TMPRSS9: variants seen among roughly 807,000 people sequenced by gnomAD.
TMPRSS9 encodes the protein transmembrane protease serine 9.
TMPRSS9 carries 113 observed loss-of-function variants against 111.4 expected under a neutral mutation model. The observed-to-expected ratio is 1.01, with a 90% confidence interval of 0.87 to 1.19. The LOEUF is 1.19. Ranked by LOEUF, TMPRSS9 falls within the 50% of genes most tolerant of loss-of-function variation. The pLI is 0.00. For synonymous variants in TMPRSS9, 805 were observed against 659.1 expected (o/e 1.22, Z -3.39); for missense variants, 1,803 against 1,513.1 (o/e 1.19, Z -3.18).
At chr19:2,367,856 C>T (rs1205640996) in intron 1 of TMPRSS9, among the ~76,000 whole-genome samples, 3 of 152,050 alleles carry the variant, frequency 2.0e-5, no homozygotes, top group Non-Finnish European at 4.4e-5. Flanking sequence ...TGAGCCACTG[C>T]ACCCAGCCCA....
exon 8 of TMPRSS9, chr19:2,408,391 G>A (rs764766599): frequency 2.5e-6 from 4 of 1,613,822 alleles, no homozygotes; most frequent in Admixed American, 3.3e-5. Flanking sequence ...GCCTACGTGG[G>A]TGCGACCTAC....
intron 1 of TMPRSS9, among the ~76,000 whole-genome samples, chr19:2,374,240 T>G (rs1288049989): frequency 7.1e-6 from 1 of 140,356 alleles, no homozygotes; most frequent in Non-Finnish European, 1.5e-5. Flanking sequence ...CTGATTTCTC[T>G]CAACAATCTT....
chr19:2,413,998 TC>T lies in TMPRSS9; in HGVS notation c.1554del (p.Thr519ProfsTer37). 2 of 1,598,052 alleles carry T rather than the reference TC, an allele frequency of 1.3e-6. No individual in the cohort carries two copies. The highest frequency in any genetic ancestry group is 1.7e-6 in the Non-Finnish European group (2 of 1,171,156). ...CTCAGTACCGTGCCTCTTGACTGGG[TC>T]ACCGTTCCTAAGCTACAAGGTATTT... On this transcript the variant is annotated frameshift_variant, in exon 10 of 18. Transcript: ENST00000648592. LOFTEE classifies it high-confidence loss of function.
chr19:2,386,311 C>G (rs1196124517), upstream of TMPRSS9, among the ~76,000 whole-genome samples: 1 of 151,794 alleles, frequency 6.6e-6, no homozygotes, highest in Admixed American at 6.6e-5. Context: ...TGAGACCATC[C>G]TGGCTAACAT....
chr19:2,401,632 G>A, intron 4 of TMPRSS9, among the ~76,000 whole-genome samples: 1 of 151,718 alleles, frequency 6.6e-6, no homozygotes, highest in East Asian at 1.9e-4. Context: ...TTTTGAGATG[G>A]AGTCTCGCTC....
chr19:2,373,016 G>A (rs1348936388), intron 1 of TMPRSS9, among the ~76,000 whole-genome samples: 1 of 151,712 alleles, frequency 6.6e-6, no homozygotes, highest in African/African-American at 2.4e-5. Context: ...TATTTTTTGT[G>A]GAGATGGGGG....
chr19:2,408,333 T>C (rs778301439), intron 7 of TMPRSS9, 23 bp from the exon 9 acceptor site: 1 of 1,604,952 alleles, frequency 6.2e-7, no homozygotes, highest in African/African-American at 1.3e-5. Flanking sequence ...CGGTGGCTTC[T>C]GAGCTGGGGT....
intron 5 of TMPRSS9, among the ~76,000 whole-genome samples, chr19:2,402,389 CTGAGA>C (rs1970869127): frequency 6.6e-6 from 1 of 152,044 alleles, no homozygotes; most frequent in African/African-American, 2.4e-5. Flanking sequence ...CTGCGGTGAG[CTGAGA>C]TCACGCCACT....
exon 13 of TMPRSS9, chr19:2,418,050 A>G: frequency 6.2e-7 from 1 of 1,612,342 alleles, no homozygotes; most frequent in Non-Finnish European, 8.5e-7. Flanking sequence ...ATCATAGACC[A>G]GAAAACCTGT....
At chr19:2,371,741 C>T (rs1350626559) in intron 1 of TMPRSS9, among the ~76,000 whole-genome samples, 1 of 151,922 alleles carries the variant, frequency 6.6e-6, no homozygotes, top group Non-Finnish European at 1.5e-5. Context: ...CTAGAATAGC[C>T]TTGAGCAAAC....
At chr19:2,374,285 T>C (rs969163972) in intron 1 of TMPRSS9, among the ~76,000 whole-genome samples, 25 of 108,486 alleles carry the variant, frequency 2.3e-4, no homozygotes, top group Admixed American at 1.7e-3. Context: ...TTTTTTTTTT[T>C]AAAGAGGTAG....
chr19:2,417,892 T>C, intron 12 of TMPRSS9, 110 bp from the exon 14 acceptor site: 1 of 1,428,156 alleles, frequency 7.0e-7, no homozygotes, highest in South Asian at 1.3e-5. Context: ...AGCCCTGGTT[T>C]CTTCGTCTGT....
chr19:2,377,236 T>G (rs1434914807), intron 1 of TMPRSS9, among the ~76,000 whole-genome samples: 1 of 118,410 alleles, frequency 8.4e-6, no homozygotes, highest in Non-Finnish European at 1.6e-5. Context: ...CTTTCTTTCT[T>G]TTTTTACTGT....
chr19:2,415,875 C>G (rs763937776), intron 11 of TMPRSS9, 34 bp downstream of exon 12: 1 of 1,541,274 alleles, frequency 6.5e-7, no homozygotes, highest in Admixed American at 1.8e-5. Context: ...GGCTGCCCGG[C>G]TTCCCCTCCT....
In TMPRSS9 at chr19:2,422,163, A is replaced by C. The variant is rs746272507; in HGVS notation, c.2464A>C (p.Thr822Pro). Residue 822 changes from threonine (T) to proline (P), a missense_variant, in exon 14 of 18, where the codon ACC (threonine) becomes CCC (proline). By Grantham distance (38) the Thr-to-Pro change is conservative. Coordinates refer to ENST00000648592, the Ensembl canonical transcript of TMPRSS9. ...GGTGACGGGCCAACCTGCCAACTCA[A>C]CCTTATCTGCCGTGAGCACCACTGC... 2.5e-6 allele frequency: 4 copies of C among 1,581,476 alleles called. No homozygotes were observed. The Admixed American group carries it at 7.0e-5, about 28-fold the overall frequency.
exon 12 of TMPRSS9, chr19:2,416,639 C>T (rs1341705443): frequency 1.9e-6 from 3 of 1,612,970 alleles, no homozygotes; most frequent in South Asian, 1.1e-5. Context: ...GTGCTGCACC[C>T]CCTCTACAAC....
At chr19:2,418,366 C>CCCTTCCCTCCCTCCCTTT (rs1226723243) in intron 13 of TMPRSS9, among the ~76,000 whole-genome samples, 1 of 24,232 alleles carries the variant, frequency 4.1e-5, no homozygotes, top group African/African-American at 2.7e-4. Flanking sequence ...TCCCTCCCTT[C>CCCTTCCCTCCCTCCCTTT]CCTTCCCTCC....
chr19:2,416,221 G>C, intron 11 of TMPRSS9: 1 of 455,520 alleles, frequency 2.2e-6, no homozygotes, highest in Non-Finnish European at 3.9e-6. Flanking sequence ...TGGGGCAACA[G>C]AGCGAGACCC....
intron 4 of TMPRSS9, among the ~76,000 whole-genome samples, chr19:2,399,878 G>A (rs1051977275): frequency 6.6e-6 from 1 of 151,990 alleles, no homozygotes; most frequent in East Asian, 1.9e-4. Context: ...TTACAGGCAC[G>A]CACCACCACG....
Sources: gnomAD v4.1 joint callset for allele counts (sites outside exome capture counted in the v4.1 genomes callset) on GRCh38, gnomAD v4.1.1 for gene constraint, MANE v1.5 for transcripts, NCBI Gene and HGNC (gene_info 2026-07-23, HGNC 2026-07-21) for gene names.